TAF1B: variants seen among roughly 807,000 people sequenced by gnomAD.
TAF1B encodes TATA-box binding protein associated factor, RNA polymerase I subunit B, also known as TATA box-binding protein-associated factor RNA polymerase I subunit B.
Under a neutral mutation model 83.9 loss-of-function variants are expected in TAF1B, and 61 were observed. That is an observed-to-expected ratio of 0.73 (90% CI 0.59 to 0.90). TAF1B has a LOEUF of 0.90. Among genes scored for constraint, TAF1B ranks in the 40% least tolerant of loss-of-function variants. The pLI is 0.00. For synonymous variants in TAF1B, 221 were observed against 224.6 expected, an observed-to-expected ratio of 0.98 and a Z score of 0.14; for missense variants, 625 against 677.0, an observed-to-expected ratio of 0.92 and a Z score of 0.85.
rs79642340 is a variant in TAF1B at position 9,845,472 on chromosome 2, A to G, written c.117+154A>G. On this transcript the variant is annotated intron_variant, in intron 2 of 14. Transcript: ENST00000263663. ...TGCATGTGGTCTTAGGTACTTACAC[A>G]TAGGTTAAGGGATTTGTGAATTAGA... 31,020 of 576,080 alleles carry G rather than the reference A, an allele frequency of 0.054. 1,030 individuals are homozygous for G. The highest frequency in any genetic ancestry group is 0.074 in the African/African-American group (3,946 of 53,634). 35.7% of individuals were successfully genotyped at this position (576,080 alleles called of 1,614,324 possible).
chr2:9,851,445 C>G, intron 3 of TAF1B, 96 bp from the exon 4 acceptor site: 3 of 949,390 alleles, frequency 3.2e-6, no homozygotes, highest in Non-Finnish European at 4.6e-6. Context: ...AAGAAAAATT[C>G]AAGTCGCAAT....
chr2:9,899,867 G>A (rs928390711), intron 8 of TAF1B, among the ~76,000 whole-genome samples: 2 of 152,086 alleles, frequency 1.3e-5, no homozygotes, highest in African/African-American at 4.8e-5. Context: ...TTTGTCTCCT[G>A]CATTTTAAAA....
intron 2 of TAF1B, chr2:9,846,127 T>C: frequency 2.1e-6 from 1 of 470,634 alleles, no homozygotes; most frequent in Non-Finnish European, 4.4e-6. Flanking sequence ...TGAGAGCCTA[T>C]TGATAGGGCT....
At chr2:9,884,018 G>T (rs929183424) in intron 8 of TAF1B, among the ~76,000 whole-genome samples, 3 of 152,212 alleles carry the variant, frequency 2.0e-5, no homozygotes, top group Non-Finnish European at 4.4e-5. Flanking sequence ...CTACCGGCCT[G>T]GGTCTCATGC....
At chr2:9,851,917 T>A (rs1341983348) in intron 4 of TAF1B, 1 of 566,244 alleles carries the variant, frequency 1.8e-6, no homozygotes, top group East Asian at 4.4e-5. Flanking sequence ...CAAATAACTT[T>A]GGGGGTTTAT....
At chr2:9,871,473 TA>T (rs1205891736) in intron 6 of TAF1B, among the ~76,000 whole-genome samples, 1 of 152,174 alleles carries the variant, frequency 6.6e-6, no homozygotes, top group Non-Finnish European at 1.5e-5. Flanking sequence ...TTTCCTGGAT[TA>T]CCCTCTCATT....
chr2:9,904,568 G>A (rs1665284419), intron 8 of TAF1B, among the ~76,000 whole-genome samples: 1 of 152,094 alleles, frequency 6.6e-6, no homozygotes, highest in Non-Finnish European at 1.5e-5. Flanking sequence ...GAATACACAC[G>A]TGCATGTGTC....
chr2:9,913,573 C>G (rs149232945), intron 12 of TAF1B: 17 of 190,098 alleles, frequency 8.9e-5, no homozygotes, highest in African/African-American at 3.7e-4. Context: ...ACTCCTCCCT[C>G]TTCCCCTTTC....
intron 14 of TAF1B, among the ~76,000 whole-genome samples, chr2:9,921,477 T>C (rs922413462): frequency 4.6e-5 from 7 of 152,238 alleles, no homozygotes; most frequent in African/African-American, 7.2e-5. Flanking sequence ...CGTTTTTCTT[T>C]AATTGTACTG....
intron 13 of TAF1B, 150 bp downstream of exon 13, chr2:9,919,261 C>T: frequency 1.5e-6 from 1 of 669,074 alleles, no homozygotes; most frequent in South Asian, 2.0e-5. Context: ...GCATCATACT[C>T]TGCAAGAAAT....
chr2:9,905,131 T>C (rs1217429210), intron 9 of TAF1B, 125 bp downstream of exon 9: 2 of 739,442 alleles, frequency 2.7e-6, no homozygotes, highest in Non-Finnish European at 4.2e-6. Flanking sequence ...ACATGAAACT[T>C]AATGTCAAAA....
chr2:9,910,426 G>A (rs76478848), intron 9 of TAF1B, among the ~76,000 whole-genome samples: 6,682 of 152,248 alleles, frequency 0.044, 192 homozygotes, highest in Non-Finnish European at 0.066. Flanking sequence ...TTTTAGGTGA[G>A]CAAACACTGC....
At chr2:9,909,813 G>C (rs1665467907) in intron 9 of TAF1B, among the ~76,000 whole-genome samples, 1 of 152,176 alleles carries the variant, frequency 6.6e-6, no homozygotes, top group Admixed American at 6.5e-5. Context: ...GCACAGAAAG[G>C]TTGTATAACA....
chr2:9,882,850 A>G (rs1456682597), intron 8 of TAF1B, 45 bp downstream of exon 8: 1 of 1,350,026 alleles, frequency 7.4e-7, no homozygotes, highest in African/African-American at 1.5e-5. Context: ...ATAAGGCACA[A>G]GAGTGGTATG....
At chr2:9,902,903 A>G (rs958659465) in intron 8 of TAF1B, among the ~76,000 whole-genome samples, 5 of 152,152 alleles carry the variant, frequency 3.3e-5, no homozygotes, top group Admixed American at 3.3e-4. Context: ...GAAATCCTAC[A>G]TGCACATGTG....
chr2:9,919,678 T>G lies in TAF1B; in HGVS notation c.1423T>G (p.Phe475Val), dbSNP rs1484773279. 4 of 1,614,216 alleles carry G rather than the reference T, an allele frequency of 2.5e-6. No homozygotes were observed. The East Asian group carries it at 8.9e-5, about 36-fold the overall frequency. Reference sequence around the variant, plus strand: ...TGCTGGAAAAAAAAGCCCTTCAAGTTTTCAGTTCAACTGGACTGAAGAGGA... The same window carrying G: ...TGCTGGAAAAAAAAGCCCTTCAAGTGTTCAGTTCAACTGGACTGAAGAGGA... ...ATAGKKSPSS[F>V]QFNWTEEDTD... Residue 475 changes from phenylalanine (F) to valine (V), a missense_variant, in exon 14 of 15, where the codon TTT becomes GTT. Coordinates refer to ENST00000263663, the MANE Select transcript of TAF1B (RefSeq NM_005680.3).
intron 14 of TAF1B, among the ~76,000 whole-genome samples, chr2:9,931,737 C>T (rs1666219895): frequency 6.6e-6 from 1 of 152,322 alleles, no homozygotes; most frequent in South Asian, 2.1e-4. Flanking sequence ...TGGGGAAGTT[C>T]TCCTGGATAA....
intron 7 of TAF1B, among the ~76,000 whole-genome samples, chr2:9,877,551 A>G (rs1211762641): frequency 1.3e-5 from 2 of 152,092 alleles, no homozygotes; most frequent in African/African-American, 2.4e-5. Flanking sequence ...ATTGCTTAAC[A>G]GTCTCCCAGA....
chr2:9,879,238 C>G (rs1392765453), intron 7 of TAF1B, among the ~76,000 whole-genome samples: 1 of 152,186 alleles, frequency 6.6e-6, no homozygotes, highest in Non-Finnish European at 1.5e-5. Flanking sequence ...TGTACTGGTA[C>G]TACTACTCTT....
Sources: gnomAD v4.1 joint callset for allele counts (sites outside exome capture counted in the v4.1 genomes callset) on GRCh38, gnomAD v4.1.1 for gene constraint, MANE v1.5 for transcripts, NCBI Gene and HGNC (gene_info 2026-07-23, HGNC 2026-07-21) for gene names.